SLC26A4: variants seen among roughly 807,000 people sequenced by gnomAD.
The protein encoded by SLC26A4 is solute carrier family 26 member 4.
A neutral mutation model predicts 90.4 loss-of-function variants in SLC26A4; 93 were observed. The ratio of observed to expected loss-of-function variants is 1.03; its 90% CI spans 0.87 to 1.22. SLC26A4 has a LOEUF of 1.22. Among genes scored for constraint, SLC26A4 ranks in the 50% most tolerant of loss-of-function variants. The pLI, the probability that SLC26A4 is intolerant of heterozygous loss-of-function variation, is 0.00. For missense variants in SLC26A4, 1,127 were observed against 946.2 expected (o/e 1.19, Z -2.51); for synonymous variants, 393 against 354.6 (o/e 1.11, Z -1.22).
intron 6 of SLC26A4, among the ~76,000 whole-genome samples, chr7:107,678,792 G>A (rs1791094861): frequency 6.6e-6 from 1 of 151,520 alleles, no homozygotes; most frequent in Non-Finnish European, 1.5e-5. Context: ...TAAATGAGCC[G>A]CTTAGTCTCT....
Position 107,700,147 on chromosome 7 carries a change from A to T in SLC26A4, c.1679A>T (p.Asp560Val). The change falls in exon 15 of 21, where the codon GAT (aspartate) becomes GTT (valine). Residue 560 changes from aspartate to valine, a missense_variant. By Grantham distance (152) the Asp-to-Val change is radical (BLOSUM62 -3). Coordinates refer to ENST00000644269, the MANE Select transcript of SLC26A4 (RefSeq NM_000441.2). ...FSSPIFYGNV[D>V]GFKKCIKSTV... ...AGTCCTATTTTCTATGGCAATGTCG[A>T]TGGTTTTAAAAAATGTATCAAGTCC... 1 of 1,586,460 alleles carries T rather than the reference A, an allele frequency of 6.3e-7. No homozygotes were observed. The highest frequency in any genetic ancestry group is 8.7e-7 in the Non-Finnish European group (1 of 1,154,802).
At chr7:107,687,586 A>C (rs949003898) in intron 8 of SLC26A4, among the ~76,000 whole-genome samples, 4 of 152,222 alleles carry the variant, frequency 2.6e-5, no homozygotes, top group South Asian at 2.1e-4. Context: ...GCCTAAAGTC[A>C]TTTGAGAGTG....
In SLC26A4 at chr7:107,690,180, G is replaced by A. The variant is rs887436159; in HGVS notation, c.1206G>A (p.Val402=). The A allele has an allele frequency of 1.1e-5, 17 of 1,613,458 alleles. No homozygotes were observed. Among genetic ancestry groups the A allele is most frequent in the Non-Finnish European group, 1.4e-5 (16 of 1,179,506 alleles). ...TCTCAGGATTCTTCTCTTGTTTTGT[G>A]GCCACCACTGCTCTTTCCCGCACGG... ...NIFSGFFSCF[V]ATTALSRTAV... is the part of the protein sequence containing the mutation. Residue 402 remains valine (V), a synonymous_variant, in exon 10 of 21, where the codon GTG becomes GTA. Coordinates refer to ENST00000644269, the MANE Select transcript of SLC26A4 (RefSeq NM_000441.2).
In SLC26A4 at chr7:107,694,646, C is replaced by A. The variant is rs1791687281; in HGVS notation, c.1367C>A (p.Ala456Asp). ...TCGGTCTTGGCAGCTGTTGTAATTG[C>A]CAACCTGAAAGGGATGTTTATGCAG... is the stretch of plus-strand genomic sequence containing the variant. Reference protein sequence around the residue: ...QKSVLAAVVIANLKGMFMQLC... With the variant: ...QKSVLAAVVIDNLKGMFMQLC... Residue 456 changes from alanine (A) to aspartate (D), a missense_variant, in exon 12 of 21, where the codon GCC becomes GAC. By Grantham distance (126) the Ala-to-Asp change is moderately radical (BLOSUM62 -2). Coordinates refer to ENST00000644269, the MANE Select transcript of SLC26A4 (RefSeq NM_000441.2). The A allele has an allele frequency of 6.2e-7, 1 of 1,613,486 alleles. No individual in the cohort carries two copies. The highest frequency in any genetic ancestry group is 1.1e-5 in the South Asian group (1 of 91,084).
intron 12 of SLC26A4, among the ~76,000 whole-genome samples, chr7:107,695,229 T>C (rs1327817781): frequency 6.6e-6 from 1 of 151,926 alleles, no homozygotes; most frequent in Non-Finnish European, 1.5e-5. Flanking sequence ...AGACAAATCG[T>C]TAAGTGAAAA....
intron 3 of SLC26A4, among the ~76,000 whole-genome samples, chr7:107,664,412 A>G (rs1390013119): frequency 2.6e-5 from 4 of 152,098 alleles, no homozygotes; most frequent in Non-Finnish European, 5.9e-5. Context: ...CTGTATTTTT[A>G]GTAGAGATGG....
At chr7:107,687,721 T>C (rs1381256950) in intron 8 of SLC26A4, among the ~76,000 whole-genome samples, 2 of 152,150 alleles carry the variant, frequency 1.3e-5, no homozygotes, top group Non-Finnish European at 2.9e-5. Flanking sequence ...CTATCAAAAC[T>C]AAGCTGTATG....
intron 6 of SLC26A4, among the ~76,000 whole-genome samples, chr7:107,682,830 G>A (rs543010822): frequency 1.3e-5 from 2 of 152,164 alleles, no homozygotes; most frequent in East Asian, 1.9e-4. Context: ...AACTTGTAAA[G>A]CATTTCTGTA....
At chr7:107,689,507 C>T (rs1015784697) in intron 9 of SLC26A4, among the ~76,000 whole-genome samples, 1 of 152,136 alleles carries the variant, frequency 6.6e-6, no homozygotes, top group African/African-American at 2.4e-5. Flanking sequence ...AACCCAGTAC[C>T]TCTTGGCAAT....
Position 107,674,364 on chromosome 7 carries a change from G to A in SLC26A4, c.600+16G>A. 1 of 1,548,952 alleles carries A rather than the reference G, an allele frequency of 6.5e-7. No homozygotes were observed. Among genetic ancestry groups the A allele is most frequent in the African/African-American group, 1.4e-5 (1 of 73,694 alleles). ...AATTATACAGGTAATGAACTTACAA[G>A]TAAAATATAGATGGATGTAATTTTT... On this transcript the variant is annotated intron_variant, in intron 5 of 20. Transcript: ENST00000644269.
At chr7:107,670,643 T>C (rs1213630000) in intron 3 of SLC26A4, among the ~76,000 whole-genome samples, 3 of 152,158 alleles carry the variant, frequency 2.0e-5, no homozygotes, top group Non-Finnish European at 2.9e-5. Context: ...CTTGGGGACA[T>C]TCATCTGATA....
chr7:107,691,633 G>T (rs1229955367), intron 10 of SLC26A4, among the ~76,000 whole-genome samples: 1 of 151,664 alleles, frequency 6.6e-6, no homozygotes, highest in Non-Finnish European at 1.5e-5. Context: ...CCCAGGGAGG[G>T]CTTTAATTGT....
chr7:107,683,257 C>G lies in SLC26A4; in HGVS notation c.821C>G (p.Ala274Gly). The G allele has an allele frequency of 1.9e-6, 3 of 1,612,978 alleles. No homozygotes were observed. The highest frequency in any genetic ancestry group is 1.7e-6 in the Non-Finnish European group (2 of 1,179,526). The change falls in exon 7 of 21, where the codon GCT becomes GGT. Residue 274 changes from alanine to glycine, a missense_variant. Ala to Gly is a moderately conservative substitution (Grantham distance 60). Transcript: ENST00000644269. The stretch of plus-strand genomic sequence containing the variant: ...GATACCAATCTTGCTGATTTCACTG[C>G]TGGATTGCTCACCATTGTCGTCTGT... The part of the protein sequence containing the change: ...IGDTNLADFT[A>G]GLLTIVVCMA...
intron 10 of SLC26A4, chr7:107,693,761 A>G: frequency 7.1e-6 from 7 of 985,296 alleles, no homozygotes; most frequent in Non-Finnish European, 8.5e-6. Context: ...TCACTGTTTC[A>G]GGCTGCCTTG....
chr7:107,711,579 A>C (rs1792188445), intron 19 of SLC26A4, among the ~76,000 whole-genome samples: 1 of 152,214 alleles, frequency 6.6e-6, no homozygotes, highest in Non-Finnish European at 1.5e-5. Flanking sequence ...TGGGTTGGAC[A>C]TTCCTGGTGG....
chr7:107,697,784 C>T (rs542581468), intron 13 of SLC26A4, among the ~76,000 whole-genome samples: 26 of 152,282 alleles, frequency 1.7e-4, no homozygotes, highest in Admixed American at 9.2e-4. Context: ...TATCCTATAA[C>T]GTGTTGTGCA....
Position 107,710,138 on chromosome 7 carries a change from C to CTA in SLC26A4, c.2177_2178dup (p.Leu727TyrfsTer8), listed in dbSNP as rs1298217152. On this transcript the variant is annotated frameshift_variant, in exon 19 of 21. Coordinates refer to ENST00000644269, the MANE Select transcript of SLC26A4 (RefSeq NM_000441.2). LOFTEE classifies it high-confidence loss of function. Reference sequence around the variant, plus strand: ...ACATTCTTTTTGACGGTCCATGATGCTATACTCTATCTACAGAACCAAGTG... The same window carrying CTA: ...ACATTCTTTTTGACGGTCCATGATGCTATATACTCTATCTACAGAACCAAGTG... The CTA allele has an allele frequency of 6.2e-7, 1 of 1,608,100 alleles. No homozygotes were observed. The highest frequency in any genetic ancestry group is 1.3e-5 in the African/African-American group (1 of 74,798).
At chr7:107,698,154 G>A (rs1791792109) in intron 14 of SLC26A4, 43 bp downstream of exon 14, 1 of 1,295,070 alleles carries the variant, frequency 7.7e-7, no homozygotes, top group Non-Finnish European at 1.1e-6. Context: ...GGGTTTACTA[G>A]CCTGAAGTTT....
chr7:107,698,093 T>A lies in SLC26A4; in HGVS notation c.1596T>A (p.Ser532Arg), dbSNP rs1791789702. 1 of 1,607,148 alleles carries A rather than the reference T, an allele frequency of 6.2e-7. No homozygotes were observed. The highest frequency in any genetic ancestry group is 1.3e-5 in the African/African-American group (1 of 74,754). ...TCCCTAGCACAGATATCTACAAAAG[T>A]ACCAAGAATTACAAAAACGTAAGTA... ...GSIPSTDIYKSTKNYKNIEEP... is the reference protein window; with the variant it reads ...GSIPSTDIYKRTKNYKNIEEP... The change falls in exon 14 of 21, where the codon AGT becomes AGA. Residue 532 changes from serine to arginine, a missense_variant. Physicochemically the swap from Ser to Arg is moderately radical, Grantham distance 110 (BLOSUM62 -1). Transcript: ENST00000644269.
Sources: allele counts gnomAD v4.1 joint callset (sites outside exome capture counted in the v4.1 genomes callset), GRCh38; gene constraint gnomAD v4.1.1; transcripts MANE v1.5; gene names NCBI Gene and HGNC (gene_info 2026-07-23, HGNC 2026-07-21).